Variants in SRGAP2 observed in about 807,000 individuals in gnomAD.
SRGAP2 encodes the protein SLIT-ROBO Rho GTPase-activating protein 2.
A neutral mutation model predicts 57.2 loss-of-function variants in SRGAP2; 15 were observed. The ratio of observed to expected loss-of-function variants is 0.26; its 90% CI spans 0.18 to 0.40. SRGAP2 has a LOEUF of 0.40. SRGAP2 is among the 10% of genes least tolerant of loss of function. The pLI is 1.00. For synonymous variants in SRGAP2, 249 were observed against 248.0 expected (o/e 1.00, Z -0.04); for missense variants, 520 against 669.6 (o/e 0.78, Z 2.47).
chr1:206,302,268 TG>T (rs1671915160), intron 2 of SRGAP2, among the ~76,000 whole-genome samples: 1 of 144,206 alleles, frequency 6.9e-6, no homozygotes, highest in Non-Finnish European at 1.5e-5. Flanking sequence ...TTCTCTGAGC[TG>T]GAAATCAGTC....
chr1:206,210,837 A>G (rs2102443127), intron 2 of SRGAP2, among the ~76,000 whole-genome samples: 1 of 151,044 alleles, frequency 6.6e-6, no homozygotes. Context: ...ATCCTCAAGC[A>G]GATGCTATCA....
intron 11 of SRGAP2, among the ~76,000 whole-genome samples, chr1:206,417,927 C>A (rs1553362610): frequency 6.6e-6 from 1 of 151,550 alleles, no homozygotes; most frequent in Non-Finnish European, 1.5e-5. Flanking sequence ...ATAAGTAAGA[C>A]AGAGAGCAGG....
At chr1:206,448,545 C>A (rs1379193282) in intron 18 of SRGAP2, among the ~76,000 whole-genome samples, 1 of 152,224 alleles carries the variant, frequency 6.6e-6, no homozygotes, top group African/African-American at 2.4e-5. Context: ...CCTGGACCAA[C>A]AGCATCTGTG....
intron 21 of SRGAP2, among the ~76,000 whole-genome samples, chr1:206,456,979 G>C (rs1225570578): frequency 1.3e-5 from 2 of 152,148 alleles, no homozygotes; most frequent in Non-Finnish European, 2.9e-5. Context: ...ACTTCCCCAG[G>C]CTGAGTGAGG....
At chr1:206,431,556 C>A (rs1423255102) in intron 14 of SRGAP2, among the ~76,000 whole-genome samples, 2 of 152,208 alleles carry the variant, frequency 1.3e-5, no homozygotes, top group Non-Finnish European at 2.9e-5. Context: ...AGAAGAAAGT[C>A]TGAGCCACTG....
chr1:206,339,124 ATT>A, intron 3 of SRGAP2, among the ~76,000 whole-genome samples: 1 of 150,292 alleles, frequency 6.7e-6, no homozygotes, highest in Non-Finnish European at 1.5e-5. Context: ...AAAAGAAGAT[ATT>A]TTTGTTTTAA....
At position 206,359,900 on chromosome 1, in the gene SRGAP2, G is replaced by A. The variant is rs370365036; in HGVS notation, c.423+16892G>A. On this transcript the variant is annotated intron_variant, in intron 4 of 22. Transcript: ENST00000573034. ...CGGCTCACTGCAAGCTCCGCCTCCC[G>A]GGTTCACGCCATTCTCCTGCCTCAG... is the stretch of plus-strand genomic sequence containing the variant. Among the ~76,000 whole-genome samples, 759 of 129,314 alleles carry A rather than the reference G, an allele frequency of 5.9e-3. 10 individuals are homozygous for A. Among genetic ancestry groups the A allele is most frequent in the African/African-American group, 0.021 (713 of 33,968 alleles). The allele number at this position is 129,314 out of a possible 152,430, so 84.8% of individuals were successfully genotyped here. A position where few individuals can be genotyped will look rare whatever the true frequency, so the allele number is the denominator to read the frequency against.
At position 206,360,314 on chromosome 1, in the gene SRGAP2, C is replaced by T. The variant is rs370401046; in HGVS notation, c.423+17306C>T. 2.0e-5 allele frequency among the ~76,000 whole-genome samples: 3 copies of T among 147,612 alleles called. No individual in the cohort carries two copies. In the Admixed American group the frequency reaches 2.0e-4, roughly 10 times the overall value. The stretch of plus-strand genomic sequence containing the variant: ...GTAAGGAGACCTTGTACAGAGTAGG[C>T]AAGAGGAAGAGTGGTGGGAGATGTG... On this transcript the variant is annotated intron_variant, in intron 4 of 22. Coordinates refer to ENST00000573034, the MANE Select transcript of SRGAP2 (RefSeq NM_015326.5).
At chr1:206,310,580 C>T (rs1672568631) in intron 3 of SRGAP2, among the ~76,000 whole-genome samples, 1 of 152,134 alleles carries the variant, frequency 6.6e-6, no homozygotes, top group Non-Finnish European at 1.5e-5. Context: ...CTTAGTAGTA[C>T]AGTGATGAGA....
At position 206,385,443 on chromosome 1, in the gene SRGAP2, G is replaced by GA. The variant is rs1326607526; in HGVS notation, c.486+1371dup. ...TCCTAGCAGAGAATTCCCTAAGATAGAAAATGACACATGTAGTCATTGTAT... is the reference window on the plus strand; with the variant it reads ...TCCTAGCAGAGAATTCCCTAAGATAGAAAAATGACACATGTAGTCATTGTAT... On this transcript the variant is annotated intron_variant, in intron 5 of 22. Transcript: ENST00000573034. 3.9e-3 allele frequency among the ~76,000 whole-genome samples: 586 copies of GA among 148,378 alleles called. 6 individuals carry two copies. The highest frequency in any genetic ancestry group is 0.014 in the African/African-American group (556 of 39,496).
At chr1:206,373,009 CTTTCTTTCTTTCT>C (rs1654819093) in intron 4 of SRGAP2, among the ~76,000 whole-genome samples, 2 of 98,706 alleles carry the variant, frequency 2.0e-5, no homozygotes, top group Non-Finnish European at 4.1e-5. Flanking sequence ...TTCTTTCTTT[CTTTCTTTCTTTCT>C]TTCTTTTCTT....
At chr1:206,227,380 A>C (rs1295904231) in intron 2 of SRGAP2, among the ~76,000 whole-genome samples, 1 of 152,170 alleles carries the variant, frequency 6.6e-6, no homozygotes, top group Non-Finnish European at 1.5e-5. Flanking sequence ...TCATCTGCTA[A>C]TTTCACAGAT....
chr1:206,257,274 T>G (rs1571696027), intron 2 of SRGAP2, among the ~76,000 whole-genome samples: 1 of 75,104 alleles, frequency 1.3e-5, no homozygotes, highest in African/African-American at 5.5e-5. Flanking sequence ...TGGGCTGAAG[T>G]GATCCTCTTG....
chr1:206,270,785 CAGTT>C (rs1280755824), intron 2 of SRGAP2, among the ~76,000 whole-genome samples: 2 of 39,764 alleles, frequency 5.0e-5, no homozygotes, highest in Non-Finnish European at 9.2e-5. Flanking sequence ...CTTGTTTACA[CAGTT>C]AGTATTTCTT....
chr1:206,285,576 T>C (rs1670975168), intron 2 of SRGAP2, among the ~76,000 whole-genome samples: 1 of 152,148 alleles, frequency 6.6e-6, no homozygotes, highest in Admixed American at 6.5e-5. Flanking sequence ...CACTGGCCTC[T>C]GTGATTCTGT....
At chr1:206,391,951 T>C (rs1172297401) in intron 5 of SRGAP2, among the ~76,000 whole-genome samples, 1 of 149,466 alleles carries the variant, frequency 6.7e-6, no homozygotes, top group Non-Finnish European at 1.5e-5. Context: ...TGGATTTTAT[T>C]CCTTCCCAGA....
chr1:206,267,326 G>T (rs1399057835), intron 2 of SRGAP2, among the ~76,000 whole-genome samples: 58 of 152,060 alleles, frequency 3.8e-4, no homozygotes, highest in African/African-American at 1.2e-3. Flanking sequence ...AGGAGAGTGG[G>T]CCGTGGCAAA....
At chr1:206,318,434 C>A (rs1218350359) in intron 3 of SRGAP2, among the ~76,000 whole-genome samples, 2 of 152,224 alleles carry the variant, frequency 1.3e-5, no homozygotes, top group East Asian at 1.9e-4. Flanking sequence ...ATTTGTCAGT[C>A]TTGTTCTTGC....
chr1:206,459,916 G>A (rs531638689), intron 22 of SRGAP2, among the ~76,000 whole-genome samples: 84 of 152,124 alleles, frequency 5.5e-4, no homozygotes, highest in Non-Finnish European at 1.1e-3. Flanking sequence ...TCTGCCTTGC[G>A]CTACGGGAAT....
Sources: gnomAD v4.1 joint callset for allele counts (sites outside exome capture counted in the v4.1 genomes callset) on GRCh38, gnomAD v4.1.1 for gene constraint, MANE v1.5 for transcripts, NCBI Gene and HGNC (gene_info 2026-07-23, HGNC 2026-07-21) for gene names.